Variants in ST7 observed in about 807,000 individuals in gnomAD.
The protein encoded by ST7 is suppression of tumorigenicity 7, also known as suppressor of tumorigenicity 7 protein.
ST7 carries 28 observed loss-of-function variants against 78.7 expected under a neutral mutation model. The observed-to-expected ratio is 0.36, with a 90% CI of 0.26 to 0.49. The LOEUF (loss-of-function observed/expected upper bound fraction) is 0.49, where lower values mean the gene tolerates loss of function less well. Ranked by LOEUF, ST7 falls within the 20% of genes least tolerant of loss-of-function variation. The pLI is 0.99. For missense variants in ST7, 418 were observed against 696.0 expected, an observed-to-expected ratio of 0.60 and a Z score of 4.49; for synonymous variants, 247 against 249.6, an observed-to-expected ratio of 0.99 and a Z score of 0.10.
chr7:117,151,706 A>G (rs112891232), intron 9 of ST7, among the ~76,000 whole-genome samples: 3,258 of 152,272 alleles, frequency 0.021, 51 homozygotes, highest in Non-Finnish European at 0.033. Context: ...ATAGATAGGC[A>G]CTCAATTAAT....
intron 2 of ST7, among the ~76,000 whole-genome samples, chr7:117,103,462 C>T (rs1187488623): frequency 6.6e-6 from 1 of 152,182 alleles, no homozygotes; most frequent in African/African-American, 2.4e-5. Flanking sequence ...TTACAGTCAA[C>T]TCATTTTCGA....
At chr7:117,205,257 A>G (rs1487893568) in intron 12 of ST7, among the ~76,000 whole-genome samples, 2 of 152,108 alleles carry the variant, frequency 1.3e-5, no homozygotes, top group African/African-American at 4.8e-5. Flanking sequence ...GTTAGGGTAC[A>G]TTGATTTTTT....
At chr7:117,025,868 A>T (rs1041482692) in intron 1 of ST7, among the ~76,000 whole-genome samples, 2 of 152,134 alleles carry the variant, frequency 1.3e-5, no homozygotes, top group Non-Finnish European at 2.9e-5. Flanking sequence ...AAATAAGGAA[A>T]TTTTTTTCTT....
intron 10 of ST7, among the ~76,000 whole-genome samples, chr7:117,176,273 A>G (rs1322798811): frequency 1.3e-5 from 2 of 152,222 alleles, no homozygotes; most frequent in Admixed American, 6.5e-5. Context: ...CAAAAGTTAT[A>G]TAAATGCAAC....
intron 8 of ST7, 31 bp from the exon 9 acceptor site, chr7:117,138,400 TTTTA>T: frequency 6.9e-7 from 1 of 1,451,918 alleles, no homozygotes. Context: ...TTTTTTTTTT[TTTTA>T]AATGTTGGTG....
intron 1 of ST7, among the ~76,000 whole-genome samples, chr7:117,005,916 A>G (rs1277712761): frequency 6.6e-6 from 1 of 152,230 alleles, no homozygotes; most frequent in African/African-American, 2.4e-5. Flanking sequence ...GAAATGTTTC[A>G]GAGATGTTTT....
At chr7:117,141,779 C>T (rs985335528) in intron 9 of ST7, among the ~76,000 whole-genome samples, 6 of 152,056 alleles carry the variant, frequency 3.9e-5, no homozygotes, top group Non-Finnish European at 5.9e-5. Flanking sequence ...AAGTTGTTTC[C>T]CCACCTCAGC....
chr7:117,132,111 T>A lies in ST7; in HGVS notation c.641+151T>A, dbSNP rs184029592. ...ACTCTATTTAAAAAAGTTTTTTTTT[T>A]AAATGAAGGACAGCCACCATGTGGA... is the stretch of plus-strand genomic sequence containing the variant. On this transcript the variant is annotated intron_variant, in intron 6 of 15. Coordinates refer to ENST00000323984, the MANE Select transcript of ST7 (RefSeq NM_001369598.1). The A allele has an allele frequency of 2.7e-5, 19 of 698,454 alleles. No individual in the cohort carries two copies. The South Asian group carries it at 2.9e-4, about 10-fold the overall frequency. The allele number at this position is 698,454 out of a possible 1,614,324, so 43.3% of individuals were successfully genotyped here. A position where few individuals can be genotyped will look rare whatever the true frequency, so the allele number is the denominator to read the frequency against.
At chr7:117,065,362 C>A (rs1284440686) in intron 1 of ST7, among the ~76,000 whole-genome samples, 1 of 152,144 alleles carries the variant, frequency 6.6e-6, no homozygotes, top group Non-Finnish European at 1.5e-5. Flanking sequence ...GCACCCGCCA[C>A]CATGCCCGGC....
chr7:117,041,029 G>C (rs1054966785), intron 1 of ST7, among the ~76,000 whole-genome samples: 1 of 152,106 alleles, frequency 6.6e-6, no homozygotes, highest in African/African-American at 2.4e-5. Context: ...ACCATTGGTA[G>C]ATGGTGCTTT....
intron 9 of ST7, among the ~76,000 whole-genome samples, chr7:117,147,927 A>G (rs1276129854): frequency 2.0e-5 from 3 of 152,208 alleles, no homozygotes; most frequent in East Asian, 1.9e-4. Flanking sequence ...GGGAGAATTT[A>G]TGGTCACTTC....
chr7:117,000,698 C>T (rs181804448), intron 1 of ST7, among the ~76,000 whole-genome samples: 2 of 152,304 alleles, frequency 1.3e-5, no homozygotes, highest in African/African-American at 4.8e-5. Flanking sequence ...ATGAAGGTTG[C>T]GTGGCAGTAC....
chr7:116,991,069 G>A lies in ST7; in HGVS notation c.151+37378G>A, dbSNP rs74819963. On this transcript the variant is annotated intron_variant, in intron 1 of 15. Transcript: ENST00000323984. ...CCTCCTCAAAGGTTTGTTCGTTCTCGTTGCATTGGTTTGCATAGTACTCCA... is the reference window on the plus strand; with the variant it reads ...CCTCCTCAAAGGTTTGTTCGTTCTCATTGCATTGGTTTGCATAGTACTCCA... Among the ~76,000 whole-genome samples the A allele has an allele frequency of 5.3e-3, 809 of 152,146 alleles. 6 individuals are homozygous for A. The highest frequency in any genetic ancestry group is 0.017 in the African/African-American group (715 of 41,498).
intron 1 of ST7, among the ~76,000 whole-genome samples, chr7:117,023,928 G>T (rs1161569364): frequency 1.3e-5 from 2 of 151,994 alleles, no homozygotes; most frequent in Non-Finnish European, 2.9e-5. Flanking sequence ...TCCTGCCTCA[G>T]CCTCCCGAGT....
intron 12 of ST7, among the ~76,000 whole-genome samples, chr7:117,208,300 A>T (rs1377786007): frequency 6.6e-6 from 1 of 151,788 alleles, no homozygotes; most frequent in African/African-American, 2.4e-5. Flanking sequence ...AATAACAAAC[A>T]CCTCTCATGG....
chr7:117,143,654 A>G (rs1805512595), intron 9 of ST7, among the ~76,000 whole-genome samples: 1 of 152,216 alleles, frequency 6.6e-6, no homozygotes, highest in African/African-American at 2.4e-5. Context: ...GTAACAAGGT[A>G]GTATTTCTGA....
intron 10 of ST7, among the ~76,000 whole-genome samples, chr7:117,179,142 G>A (rs1408405924): frequency 2.0e-5 from 3 of 152,174 alleles, no homozygotes; most frequent in Non-Finnish European, 4.4e-5. Context: ...GATAAATGCA[G>A]TACACATGTT....
intron 1 of ST7, among the ~76,000 whole-genome samples, chr7:116,963,689 G>A (rs1585049768): frequency 6.7e-6 from 1 of 148,190 alleles, no homozygotes; most frequent in South Asian, 2.1e-4. Flanking sequence ...CTGGAGTTCA[G>A]TGGTGCCATC....
intron 1 of ST7, among the ~76,000 whole-genome samples, chr7:117,027,585 C>G (rs534588842): frequency 8.7e-4 from 132 of 151,632 alleles, no homozygotes; most frequent in African/African-American, 3.0e-3. Context: ...CCAGAAATGT[C>G]TCTCTTTAGA....
Sources: allele counts gnomAD v4.1 joint callset (sites outside exome capture counted in the v4.1 genomes callset), GRCh38; gene constraint gnomAD v4.1.1; transcripts MANE v1.5; gene names NCBI Gene and HGNC (gene_info 2026-07-23, HGNC 2026-07-21).